RCOR1: variants seen among roughly 807,000 people sequenced by gnomAD.
RCOR1 encodes the protein REST corepressor.
In RCOR1, 12 loss-of-function variants were observed where a neutral mutation model predicts 64.0. That is an observed-to-expected ratio of 0.19 (90% CI 0.12 to 0.30). The LOEUF is 0.30. RCOR1 is among the 10% of genes least tolerant of loss of function. The pLI, the probability that RCOR1 is intolerant of heterozygous loss-of-function variation, is 1.00. For missense variants in RCOR1, 502 were observed against 621.2 expected, an observed-to-expected ratio of 0.81 and a Z score of 2.04; for synonymous variants, 279 against 227.2, an observed-to-expected ratio of 1.23 and a Z score of -2.05.
chr14:102,721,535 A>AGG lies in RCOR1; in HGVS notation c.1189+160_1189+161dup. On this transcript the variant is annotated intron_variant, in intron 10 of 11. Coordinates refer to ENST00000262241, the MANE Select transcript of RCOR1 (RefSeq NM_015156.4). Reference sequence around the variant, plus strand: ...CACTGCATTCCAGCCTGGACAACAGAGGGAGACCCTGACTTTAAAAAAAAA... The same window carrying AGG: ...CACTGCATTCCAGCCTGGACAACAGAGGGGGAGACCCTGACTTTAAAAAAAAA... The AGG allele has an allele frequency of 6.8e-6, 3 of 441,858 alleles. No homozygotes were observed. The East Asian group carries it at 1.0e-4, about 15-fold the overall frequency. 27.4% of individuals were successfully genotyped at this position (441,858 alleles called of 1,614,324 possible). A position where few individuals can be genotyped will look rare whatever the true frequency, so the allele number is the denominator to read the frequency against.
chr14:102,686,276 A>G (rs138838754), intron 3 of RCOR1, among the ~76,000 whole-genome samples: 2 of 152,226 alleles, frequency 1.3e-5, no homozygotes, highest in African/African-American at 4.8e-5. Flanking sequence ...TTTAAAATAG[A>G]TTTTATATTT....
Position 102,714,585 on chromosome 14 carries a change from C to T in RCOR1, c.1021C>T (p.Leu341=). 6.2e-7 allele frequency: 1 copy of T among 1,610,460 alleles called. No homozygotes were observed. Among genetic ancestry groups the T allele is most frequent in the Non-Finnish European group, 8.5e-7 (1 of 1,177,868 alleles). Residue 341 remains leucine, a synonymous_variant, in exon 8 of 12, where the codon CTA becomes TTA. Transcript: ENST00000262241. Reference sequence around the variant, plus strand: ...TGCTGCTACCACGGTGCTGAGACAACTAGACATGGAATTGGTTTCAGTCAA... The same window carrying T: ...TGCTGCTACCACGGTGCTGAGACAATTAGACATGGAATTGGTTTCAGTCAA... The part of the protein sequence containing the change: ...ATAATTVLRQ[L]DMELVSVKRQ...
intron 3 of RCOR1, among the ~76,000 whole-genome samples, chr14:102,689,126 G>A (rs994486609): frequency 6.6e-6 from 1 of 152,164 alleles, no homozygotes; most frequent in Non-Finnish European, 1.5e-5. Context: ...AACAAAGTGG[G>A]CGTATTAGAG....
intron 4 of RCOR1, among the ~76,000 whole-genome samples, chr14:102,703,230 G>A (rs566558300): frequency 2.0e-5 from 3 of 152,302 alleles, no homozygotes; most frequent in South Asian, 2.1e-4. Flanking sequence ...GGACACAATC[G>A]GGTGGACTAA....
intron 8 of RCOR1, among the ~76,000 whole-genome samples, chr14:102,720,448 C>T (rs1337325520): frequency 1.3e-5 from 2 of 152,182 alleles, no homozygotes; most frequent in Non-Finnish European, 2.9e-5. Flanking sequence ...GACAGTTAAT[C>T]AAAGTTAGAC....
At chr14:102,647,761 C>A (rs902171399) in intron 2 of RCOR1, among the ~76,000 whole-genome samples, 1 of 152,358 alleles carries the variant, frequency 6.6e-6, no homozygotes, top group Non-Finnish European at 1.5e-5. Context: ...TCATTGCAGC[C>A]TCCGCCTCCC....
chr14:102,676,158 C>A (rs1313096226), intron 2 of RCOR1, among the ~76,000 whole-genome samples: 2 of 150,968 alleles, frequency 1.3e-5, no homozygotes, highest in African/African-American at 4.9e-5. Context: ...TTTTTCCCCA[C>A]CCTTCCCGCC....
intron 10 of RCOR1, 84 bp from the exon 11 acceptor site, chr14:102,722,103 C>A: frequency 1.0e-6 from 1 of 964,662 alleles, no homozygotes; most frequent in Non-Finnish European, 1.6e-6. Flanking sequence ...GTTTTCTTAT[C>A]TGGATAAAGA....
intron 3 of RCOR1, among the ~76,000 whole-genome samples, chr14:102,694,402 A>G (rs138676200): frequency 0.024 from 3,652 of 152,030 alleles, 132 homozygotes; most frequent in African/African-American, 0.077. Flanking sequence ...GACTATAGGC[A>G]CCCGCCACCA....
chr14:102,652,540 T>G (rs1440960859), intron 2 of RCOR1, among the ~76,000 whole-genome samples: 1 of 152,172 alleles, frequency 6.6e-6, no homozygotes, highest in Non-Finnish European at 1.5e-5. Flanking sequence ...TGTCTGCTTG[T>G]TCTTCTGAAC....
rs1420369944 is a variant in RCOR1 at position 102,728,569 on chromosome 14, A to G, written c.*2063A>G. On this transcript the variant is annotated 3_prime_UTR_variant, in exon 12 of 12. Transcript: ENST00000262241. ...CTGCAGTGCGTTTCTCACCCTGCCA[A>G]TAGGTCTGTCTGTATCTCTGTTAAG... 1 of 152,160 alleles carries G rather than the reference A, an allele frequency of 6.6e-6. No homozygotes were observed. The highest frequency in any genetic ancestry group is 1.5e-5 in the Non-Finnish European group (1 of 68,030). The allele number at this position is 152,160 out of a possible 1,614,324, so 9.4% of individuals were successfully genotyped here.
At chr14:102,631,676 G>A (rs796389077) in intron 2 of RCOR1, among the ~76,000 whole-genome samples, 17 of 152,230 alleles carry the variant, frequency 1.1e-4, no homozygotes, top group African/African-American at 4.1e-4. Context: ...CTGTTTTCCT[G>A]CAGTTCTCCT....
chr14:102,678,158 G>A (rs1297429080), intron 2 of RCOR1, among the ~76,000 whole-genome samples: 10 of 152,004 alleles, frequency 6.6e-5, no homozygotes, highest in African/African-American at 1.9e-4. Context: ...CAGCAGTACC[G>A]TCCAGCTTTG....
At chr14:102,598,608 C>T (rs1168622514) in intron 2 of RCOR1, among the ~76,000 whole-genome samples, 5 of 151,848 alleles carry the variant, frequency 3.3e-5, no homozygotes, top group African/African-American at 9.7e-5. Flanking sequence ...CCACCACGCC[C>T]GGCTAATTTT....
At chr14:102,668,025 A>G (rs187679211) in intron 2 of RCOR1, among the ~76,000 whole-genome samples, 38 of 152,302 alleles carry the variant, frequency 2.5e-4, no homozygotes, top group Non-Finnish European at 4.3e-4. Flanking sequence ...GTTAGATGTT[A>G]TGGCATAGGA....
intron 2 of RCOR1, among the ~76,000 whole-genome samples, chr14:102,621,367 C>CTTTT (rs35481023): frequency 1.0e-4 from 8 of 78,514 alleles, no homozygotes; most frequent in African/African-American, 3.1e-4. Flanking sequence ...CAGTCTTTGT[C>CTTTT]TTTTTTTTTT....
At chr14:102,627,195 G>A (rs770139338) in intron 2 of RCOR1, among the ~76,000 whole-genome samples, 9 of 152,150 alleles carry the variant, frequency 5.9e-5, no homozygotes, top group Admixed American at 2.6e-4. Flanking sequence ...TCTGCCTTCT[G>A]TAACTGCTAG....
At chr14:102,723,325 C>T (rs542709109) in intron 11 of RCOR1, among the ~76,000 whole-genome samples, 3 of 152,234 alleles carry the variant, frequency 2.0e-5, no homozygotes, top group Non-Finnish European at 4.4e-5. Context: ...GAAGGCCCCT[C>T]CTGACCTGAG....
chr14:102,599,127 T>A (rs1052688203), intron 2 of RCOR1, among the ~76,000 whole-genome samples: 1 of 151,524 alleles, frequency 6.6e-6, no homozygotes, highest in Non-Finnish European at 1.5e-5. Flanking sequence ...TGTTTTTCTT[T>A]CCTTTTTTTT....
Sources: allele counts gnomAD v4.1 joint callset (sites outside exome capture counted in the v4.1 genomes callset), GRCh38; gene constraint gnomAD v4.1.1; transcripts MANE v1.5; gene names NCBI Gene and HGNC (gene_info 2026-07-23, HGNC 2026-07-21).